The following TRIM42 variants were observed in gnomAD, a reference collection of about 807,000 sequenced individuals.
TRIM42 encodes the protein tripartite motif-containing protein 42.
TRIM42 carries 59 observed loss-of-function variants against 64.9 expected under a neutral mutation model. The observed-to-expected ratio is 0.91, with a 90% CI of 0.74 to 1.13. TRIM42 has a LOEUF of 1.13. TRIM42 is among the 50% of genes most tolerant of loss of function. The pLI is 0.00. For synonymous variants in TRIM42, 354 were observed against 346.3 expected, an observed-to-expected ratio of 1.02 and a Z score of -0.25; for missense variants, 878 against 929.5, an observed-to-expected ratio of 0.94 and a Z score of 0.72.
In TRIM42 at chr3:140,682,591, C is replaced by G; in HGVS notation, c.471C>G (p.Phe157Leu). 1 of 1,614,252 alleles carries G rather than the reference C, an allele frequency of 6.2e-7. No homozygotes were observed. Among genetic ancestry groups the G allele is most frequent in the Admixed American group, 1.7e-5 (1 of 60,036 alleles). Residue 157 changes from phenylalanine to leucine, a missense_variant, in exon 2 of 5, where the codon TTC becomes TTG. Physicochemically the swap from Phe to Leu is conservative, Grantham distance 22. Coordinates refer to ENST00000286349, the MANE Select transcript of TRIM42 (RefSeq NM_152616.5). ...PMCSRLRLHS[F>L]MLPCNHSLCE... ...GCAGCCGGCTGCGCCTGCACTCATT[C>G]ATGCTGCCCTGCAACCACAGCCTGT...
At chr3:140,691,248 G>A (rs1394438967) in intron 4 of TRIM42, 56 bp downstream of exon 4, 7 of 1,402,388 alleles carry the variant, frequency 5.0e-6, no homozygotes, top group Non-Finnish European at 7.1e-6. Flanking sequence ...GGTTCTGGAT[G>A]AGGCCCTGTT....
intron 4 of TRIM42, among the ~76,000 whole-genome samples, chr3:140,698,184 T>C (rs1029672196): frequency 6.6e-6 from 1 of 152,222 alleles, no homozygotes; most frequent in Non-Finnish European, 1.5e-5. Flanking sequence ...TCAGAAATTA[T>C]TTAGCTAATC....
chr3:140,680,318 T>C (rs1988343286), intron 1 of TRIM42, among the ~76,000 whole-genome samples: 2 of 152,112 alleles, frequency 1.3e-5, no homozygotes, highest in Admixed American at 1.3e-4. Flanking sequence ...CACCACCTTC[T>C]GCTCAGCACC....
chr3:140,683,807 C>T (rs1469023628), intron 2 of TRIM42, among the ~76,000 whole-genome samples: 1 of 152,198 alleles, frequency 6.6e-6, no homozygotes, highest in Non-Finnish European at 1.5e-5. Context: ...TTTTCCTCTG[C>T]ATGCTTGTTC....
At chr3:140,679,002 C>T (rs958798597) in intron 1 of TRIM42, among the ~76,000 whole-genome samples, 1 of 151,958 alleles carries the variant, frequency 6.6e-6, no homozygotes, top group African/African-American at 2.4e-5. Context: ...GGATTGGAAC[C>T]TAAAATTTGG....
At chr3:140,685,056 T>G (rs1988515223) in intron 2 of TRIM42, among the ~76,000 whole-genome samples, 1 of 152,218 alleles carries the variant, frequency 6.6e-6, no homozygotes, top group Non-Finnish European at 1.5e-5. Context: ...AAATTAGATA[T>G]TAGCTGTAAG....
At chr3:140,690,572 T>C (rs1362420227) in intron 3 of TRIM42, among the ~76,000 whole-genome samples, 4 of 137,830 alleles carry the variant, frequency 2.9e-5, no homozygotes, top group African/African-American at 2.6e-5. Context: ...TATATATATA[T>C]ATATATATAT....
Position 140,682,832 on chromosome 3 carries a change from T to C in TRIM42, c.712T>C (p.Cys238Arg). Residue 238 changes from cysteine (C) to arginine (R), a missense_variant, in exon 2 of 5, where the codon TGC becomes CGC. Physicochemically the swap from Cys to Arg is radical, Grantham distance 180. Transcript: ENST00000286349. ...RFDRSSGPIL[C>R]QVCRNKRIAY... is the part of the protein sequence containing the mutation. Reference sequence around the variant, plus strand: ...TGACCGCTCCTCCGGGCCCATCCTCTGCCAGGTCTGCCGCAACAAGCGCAT... The same window carrying C: ...TGACCGCTCCTCCGGGCCCATCCTCCGCCAGGTCTGCCGCAACAAGCGCAT... 6.2e-7 allele frequency: 1 copy of C among 1,614,148 alleles called. No individual in the cohort carries two copies. The highest frequency in any genetic ancestry group is 1.3e-5 in the African/African-American group (1 of 75,064).
chr3:140,694,786 G>A (rs534661982), intron 4 of TRIM42, among the ~76,000 whole-genome samples: 10 of 152,220 alleles, frequency 6.6e-5, no homozygotes, highest in South Asian at 6.2e-4. Flanking sequence ...GAAGCCACCC[G>A]CATTCCTTGC....
rs1401442967 is a variant in TRIM42 at position 140,691,102 on chromosome 3, G to A, written c.1995G>A (p.Glu665=). ...QIRDIMQQNL[E]LHNLTPNTEY... is the part of the protein sequence containing the mutation. ...GGGACATAATGCAGCAAAATCTGGA[G>A]CTGCACAACCTGACCCCCAACACAG... The change falls in exon 4 of 5, where the codon GAG becomes GAA. Residue 665 remains glutamate, a synonymous_variant. Transcript: ENST00000286349. 6.2e-7 allele frequency: 1 copy of A among 1,614,154 alleles called. No individual in the cohort carries two copies. The highest frequency in any genetic ancestry group is 2.2e-5 in the East Asian group (1 of 44,880).
chr3:140,679,056 C>T (rs1988289270), intron 1 of TRIM42, among the ~76,000 whole-genome samples: 1 of 122,646 alleles, frequency 8.2e-6, no homozygotes, highest in African/African-American at 2.8e-5. Flanking sequence ...GAGACAATAC[C>T]CCCCCCATGA....
In TRIM42 at chr3:140,682,550, C is replaced by T. The variant is rs1181418509; in HGVS notation, c.430C>T (p.Leu144Phe). ...AGCCAACAGTCACCTGGTGAACCAC[C>T]TCAATTGCCCCATGTGCAGCCGGCT... ...IPANSHLVNH[L>F]NCPMCSRLRL... is the part of the protein sequence containing the mutation. Residue 144 changes from leucine (L) to phenylalanine (F), a missense_variant, in exon 2 of 5, where the codon CTC becomes TTC. Transcript: ENST00000286349. The T allele has an allele frequency of 4.3e-6, 7 of 1,614,142 alleles. No homozygotes were observed. The African/African-American group carries it at 5.3e-5, about 12-fold the overall frequency.
At chr3:140,691,985 A>T (rs1162793409) in intron 4 of TRIM42, among the ~76,000 whole-genome samples, 1 of 152,198 alleles carries the variant, frequency 6.6e-6, no homozygotes, top group Non-Finnish European at 1.5e-5. Flanking sequence ...AAGAAAAAAA[A>T]AAAGTCCATT....
At chr3:140,681,368 C>T (rs698669) in intron 1 of TRIM42, among the ~76,000 whole-genome samples, 49,300 of 152,060 alleles carry the variant, frequency 0.32, 8,434 homozygotes, top group East Asian at 0.59. Context: ...ACATGGATTA[C>T]CTTTTAGACT....
At chr3:140,697,714 C>T (rs1385521638) in intron 4 of TRIM42, among the ~76,000 whole-genome samples, 1 of 152,158 alleles carries the variant, frequency 6.6e-6, no homozygotes, top group Admixed American at 6.5e-5. Flanking sequence ...GACGGAGTCT[C>T]GCTCTGTCGC....
intron 2 of TRIM42, among the ~76,000 whole-genome samples, chr3:140,684,814 G>T (rs996155425): frequency 6.6e-6 from 1 of 152,214 alleles, no homozygotes; most frequent in Non-Finnish European, 1.5e-5. Context: ...GGGCTTGGCT[G>T]GATTCTTTGG....
intron 2 of TRIM42, among the ~76,000 whole-genome samples, chr3:140,686,765 C>A (rs1393893559): frequency 1.3e-5 from 2 of 152,178 alleles, no homozygotes; most frequent in East Asian, 1.9e-4. Context: ...GTAGCATAGA[C>A]CACAGAAGGG....
chr3:140,685,975 C>G (rs1305899630), intron 2 of TRIM42, among the ~76,000 whole-genome samples: 1 of 152,074 alleles, frequency 6.6e-6, no homozygotes, highest in Non-Finnish European at 1.5e-5. Context: ...CTAAAAGAGA[C>G]CTTGATTTGA....
At chr3:140,696,574 C>A (rs913225701) in intron 4 of TRIM42, among the ~76,000 whole-genome samples, 17 of 152,186 alleles carry the variant, frequency 1.1e-4, no homozygotes, top group African/African-American at 3.9e-4. Context: ...ATGCCACAGA[C>A]TGGGTGGCTT....
Sources: gnomAD v4.1 joint callset for allele counts (sites outside exome capture counted in the v4.1 genomes callset) on GRCh38, gnomAD v4.1.1 for gene constraint, MANE v1.5 for transcripts, NCBI Gene and HGNC (gene_info 2026-07-23, HGNC 2026-07-21) for gene names.